The following LYPLA1 variants were observed in gnomAD, a reference collection of about 807,000 sequenced individuals.
LYPLA1 encodes lysophospholipase 1.
In LYPLA1, 17 loss-of-function variants were observed where a neutral mutation model predicts 34.0. The ratio of observed to expected loss-of-function variants is 0.50; its 90% CI spans 0.34 to 0.75. LYPLA1 has a LOEUF of 0.75. Ranked by LOEUF, LYPLA1 falls within the 30% of genes least tolerant of loss-of-function variation. The probability of loss-of-function intolerance (pLI) is 0.01; values close to 1 mark genes in which losing one functional copy is unlikely to be tolerated. For synonymous variants in LYPLA1, 98 were observed against 100.8 expected (o/e 0.97, Z 0.17); for missense variants, 203 against 288.8 (o/e 0.70, Z 2.15).
downstream of LYPLA1, among the ~76,000 whole-genome samples, chr8:54,045,364 T>C (rs181196685): frequency 1.3e-5 from 2 of 152,332 alleles, no homozygotes; most frequent in African/African-American, 2.4e-5. Context: ...GATACAACTA[T>C]TGTTACCCAT....
intron 2 of LYPLA1, among the ~76,000 whole-genome samples, chr8:54,084,673 G>C: frequency 6.6e-6 from 1 of 152,124 alleles, no homozygotes; most frequent in South Asian, 2.1e-4. Context: ...AAAAAAAACA[G>C]AGAAGACTCA....
chr8:54,101,340 T>C (rs1810129098), intron 1 of LYPLA1: 5 of 1,076,628 alleles, frequency 4.6e-6, no homozygotes, highest in South Asian at 7.1e-5. Context: ...TAAAAAACAG[T>C]ACGTCTGACC....
chr8:54,076,015 G>A (rs904477238), intron 2 of LYPLA1, among the ~76,000 whole-genome samples: 3 of 152,160 alleles, frequency 2.0e-5, no homozygotes, highest in Admixed American at 1.3e-4. Flanking sequence ...GAACAAAACG[G>A]TCAGATGGTA....
rs183332993 is a variant in LYPLA1, at chr8:54,049,672, A to G, written c.639+1340T>C. ...GATCCCTCTGAGAATGCCTCTATCA[A>G]TTATCTTCTCTTTACTGCATCTTCT... On this transcript the variant is annotated intron_variant, in intron 8 of 8. Transcript: ENST00000316963. 3.8e-3 allele frequency among the ~76,000 whole-genome samples: 584 copies of G among 152,172 alleles called. 4 individuals are homozygous for G. Among genetic ancestry groups the G allele is most frequent in the Non-Finnish European group, 4.4e-3 (300 of 68,016 alleles).
intron 2 of LYPLA1, chr8:54,072,975 A>C: frequency 2.8e-6 from 1 of 360,404 alleles, no homozygotes; most frequent in Non-Finnish European, 5.3e-6. Context: ...GCCAACAAGC[A>C]TATGAAAACA....
intron 1 of LYPLA1, 44 bp downstream of exon 1, chr8:54,101,711 G>T: frequency 7.9e-7 from 1 of 1,265,518 alleles, no homozygotes. Flanking sequence ...ACCACCGGTG[G>T]CCGGCCCAGT....
intron 2 of LYPLA1, among the ~76,000 whole-genome samples, chr8:54,081,373 G>T (rs1335644905): frequency 6.6e-6 from 1 of 151,884 alleles, no homozygotes; most frequent in African/African-American, 2.4e-5. Context: ...TTGGCCAGCA[G>T]CTCTCGTCCA....
downstream of LYPLA1, among the ~76,000 whole-genome samples, chr8:54,043,987 G>A (rs1805426418): frequency 6.6e-6 from 1 of 152,088 alleles, no homozygotes; most frequent in African/African-American, 2.4e-5. Context: ...CACCTCCCAG[G>A]TTCAAGTGAT....
intron 5 of LYPLA1, among the ~76,000 whole-genome samples, chr8:54,061,102 C>T (rs911941647): frequency 6.7e-6 from 1 of 150,234 alleles, no homozygotes; most frequent in African/African-American, 2.5e-5. Context: ...TTTTTTGAGA[C>T]AGAGTTTCAT....
chr8:54,095,214 A>G (rs981691362), intron 2 of LYPLA1, among the ~76,000 whole-genome samples: 33 of 152,042 alleles, frequency 2.2e-4, no homozygotes, highest in Non-Finnish European at 4.7e-4. Context: ...CCAGGCTGGT[A>G]CTGAACTACT....
chr8:54,063,841 T>C (rs1806844011), intron 3 of LYPLA1, among the ~76,000 whole-genome samples: 1 of 152,162 alleles, frequency 6.6e-6, no homozygotes, highest in Non-Finnish European at 1.5e-5. Flanking sequence ...TCTAAATAAA[T>C]AAGGGAAATC....
At chr8:54,043,591 A>G (rs184333302), downstream of LYPLA1, among the ~76,000 whole-genome samples, 3 of 150,778 alleles carry the variant, frequency 2.0e-5, no homozygotes, top group East Asian at 2.0e-4. Context: ...TTTTTTAGGC[A>G]AAGTTTACTT....
At chr8:54,098,834 A>G (rs934621397) in intron 2 of LYPLA1, among the ~76,000 whole-genome samples, 10 of 152,342 alleles carry the variant, frequency 6.6e-5, no homozygotes, top group African/African-American at 2.4e-4. Context: ...GGAGACTACA[A>G]TATCTTAAGT....
intron 2 of LYPLA1, among the ~76,000 whole-genome samples, chr8:54,069,329 G>A (rs1462036417): frequency 6.6e-6 from 1 of 152,114 alleles, no homozygotes; most frequent in Non-Finnish European, 1.5e-5. Context: ...CTTACATGTT[G>A]TATACATGTA....
Position 54,096,780 on chromosome 8 carries a change from G to A in LYPLA1, c.101+4128C>T, listed in dbSNP as rs543580877. Among the ~76,000 whole-genome samples the A allele has an allele frequency of 2.2e-4, 33 of 151,624 alleles. No individual in the cohort carries two copies. In the South Asian group the frequency reaches 6.1e-3, roughly 28 times the overall value. ...AAAAATTAGCCGGGTGTGGCGGCAC[G>A]CACCTATAGTCCCAGCTACTTGGGA... On this transcript the variant is annotated intron_variant, in intron 2 of 8. Transcript: ENST00000316963.
rs966417670 is a variant in LYPLA1 at position 54,051,048 on chromosome 8, T to A, written c.603A>T (p.Lys201Asn). Residue 201 changes from lysine (K) to asparagine (N), a missense_variant, in exon 8 of 9, where the codon AAA (lysine) becomes AAT (asparagine). Coordinates refer to ENST00000316963, the MANE Select transcript of LYPLA1 (RefSeq NM_006330.4). Reference protein sequence around the residue: ...TLVNPANVTFKTYEGMMHSSC... With the variant: ...TLVNPANVTFNTYEGMMHSSC... ...AACTGTGCATCATACCTTCATAGGT[T>A]TTAAAGGTCACATTGGCTGGATTCA... 3 of 1,613,688 alleles carry A rather than the reference T, an allele frequency of 1.9e-6. No individual in the cohort carries two copies. In the African/African-American group the frequency reaches 4.0e-5, roughly 22 times the overall value.
rs1373090573 is a variant in LYPLA1, at chr8:54,084,133, A to AAAAAAAAAAAAAAATTTTTATAT, written c.101+16774_101+16775insATATAAAAATTTTTTTTTTTTTT. 4.1e-3 allele frequency among the ~76,000 whole-genome samples: 498 copies of AAAAAAAAAAAAAAATTTTTATAT among 120,076 alleles called. 3 individuals are homozygous for AAAAAAAAAAAAAAATTTTTATAT. The highest frequency in any genetic ancestry group is 6.3e-3 in the Non-Finnish European group (401 of 63,904). The allele number at this position is 120,076 out of a possible 152,430, so 78.8% of individuals were successfully genotyped here. A position where few individuals can be genotyped will look rare whatever the true frequency, so the allele number is the denominator to read the frequency against. ...AGCCTGGGAGACCAAAGAAAAAAAA[A>AAAAAAAAAAAAAAATTTTTATAT]ATAAATAAATATATATATATATATA... is the stretch of plus-strand genomic sequence containing the variant. On this transcript the variant is annotated intron_variant, in intron 2 of 8. Transcript: ENST00000316963.
At chr8:54,083,453 TATG>T (rs1183135320) in intron 2 of LYPLA1, among the ~76,000 whole-genome samples, 2 of 152,224 alleles carry the variant, frequency 1.3e-5, no homozygotes, top group Non-Finnish European at 2.9e-5. Flanking sequence ...TTTTTGATTT[TATG>T]ATGAATTTAT....
chr8:54,092,828 A>G (rs895441886), intron 2 of LYPLA1, among the ~76,000 whole-genome samples: 1 of 152,090 alleles, frequency 6.6e-6, no homozygotes, highest in African/African-American at 2.4e-5. Context: ...CTTAAAAACA[A>G]AACAAAACAA....
Sources: gnomAD v4.1 joint callset for allele counts (sites outside exome capture counted in the v4.1 genomes callset) on GRCh38, gnomAD v4.1.1 for gene constraint, MANE v1.5 for transcripts, NCBI Gene and HGNC (gene_info 2026-07-23, HGNC 2026-07-21) for gene names.